Variants in RASA1 observed in about 807,000 individuals in gnomAD.
The protein encoded by RASA1 is ras GTPase-activating protein 1.
In RASA1, 25 loss-of-function variants were observed where a neutral mutation model predicts 132.2. That is an observed-to-expected ratio of 0.19 (90% confidence interval 0.14 to 0.26). The LOEUF is 0.26. Among genes scored for constraint, RASA1 ranks in the 10% least tolerant of loss-of-function variants. The probability of loss-of-function intolerance (pLI) is 1.00; values close to 1 mark genes in which losing one functional copy is unlikely to be tolerated. For synonymous variants in RASA1, 477 were observed against 449.9 expected (o/e 1.06, Z -0.76); for missense variants, 964 against 1,299.2 (o/e 0.74, Z 3.97).
Position 87,273,738 on chromosome 5 carries a change from C to G in RASA1, c.539+4748C>G, listed in dbSNP as rs112910254. 4.2e-3 allele frequency among the ~76,000 whole-genome samples: 618 copies of G among 148,126 alleles called. 4 individuals carry two copies. The highest frequency in any genetic ancestry group is 0.018 in the Middle Eastern group (5 of 282). On this transcript the variant is annotated intron_variant, in intron 1 of 24. Coordinates refer to ENST00000274376, the MANE Select transcript of RASA1 (RefSeq NM_002890.3). ...TTTGAGATGGAGTCTTGCTCTGTTA[C>G]CCAGGGTGGTGTGCAGTAGTGTGAT... is the stretch of plus-strand genomic sequence containing the variant.
At chr5:87,297,393 A>G (rs1755169813) in intron 1 of RASA1, among the ~76,000 whole-genome samples, 1 of 152,182 alleles carries the variant, frequency 6.6e-6, no homozygotes, top group African/African-American at 2.4e-5. Flanking sequence ...TGATGTAGTT[A>G]TAAGGGAGGC....
chr5:87,364,079 C>A lies in RASA1; in HGVS notation c.1610+575C>A, dbSNP rs566897626. On this transcript the variant is annotated intron_variant, in intron 11 of 24. Coordinates refer to ENST00000274376, the MANE Select transcript of RASA1 (RefSeq NM_002890.3). ...TTTTCTCAAGAACAATGGCCTTTAC[C>A]TTTCACCATTAGTATTATCAGTAAT... is the stretch of plus-strand genomic sequence containing the variant. 2.0e-5 allele frequency among the ~76,000 whole-genome samples: 3 copies of A among 152,114 alleles called. No individual in the cohort carries two copies. The East Asian group carries it at 5.8e-4, about 29-fold the overall frequency.
In RASA1 at chr5:87,268,439, A is replaced by G. The variant is rs770839636; in HGVS notation, c.-13A>G. ...GGGCGGGCAGGGTAGGGCAGAGTAG[A>G]GCGGGCTTCAACATGATGGCGGCCG... On this transcript the variant is annotated 5_prime_UTR_variant, in exon 1 of 25. Coordinates refer to ENST00000274376, the MANE Select transcript of RASA1 (RefSeq NM_002890.3). The G allele has an allele frequency of 1.4e-5, 21 of 1,540,208 alleles. No homozygotes were observed. The highest frequency in any genetic ancestry group is 2.2e-4 in the Middle Eastern group (1 of 4,486).
At chr5:87,269,106 G>C in intron 1 of RASA1, 116 bp downstream of exon 1, 1 of 1,613,726 alleles carries the variant, frequency 6.2e-7, no homozygotes, top group Admixed American at 1.7e-5. Context: ...AAAAGTTTTT[G>C]AAGTTTCAGG....
chr5:87,307,304 A>G (rs2112297179), intron 1 of RASA1, among the ~76,000 whole-genome samples: 2 of 152,208 alleles, frequency 1.3e-5, no homozygotes, highest in East Asian at 3.9e-4. Context: ...ATGCTCTAGT[A>G]AGTGTATTTT....
intron 1 of RASA1, among the ~76,000 whole-genome samples, chr5:87,313,316 G>A (rs1433176665): frequency 6.6e-6 from 1 of 152,142 alleles, no homozygotes; most frequent in Non-Finnish European, 1.5e-5. Context: ...TTCCTTGAAG[G>A]GAAGAGTGAT....
rs1003799327 is a variant in RASA1 at position 87,384,283 on chromosome 5, A to C, written c.2758+503A>C. 2.6e-5 allele frequency among the ~76,000 whole-genome samples: 4 copies of C among 152,264 alleles called. No homozygotes were observed. The East Asian group carries it at 7.7e-4, about 29-fold the overall frequency. On this transcript the variant is annotated intron_variant, in intron 21 of 24. Coordinates refer to ENST00000274376, the MANE Select transcript of RASA1 (RefSeq NM_002890.3). ...GTGTAAATTGGCCATTTTAAACTTCAGTAAACCTGATCCAGTTTTATTACC... is the reference window on the plus strand; with the variant it reads ...GTGTAAATTGGCCATTTTAAACTTCCGTAAACCTGATCCAGTTTTATTACC...
chr5:87,342,425 C>T (rs1011825810), intron 6 of RASA1, among the ~76,000 whole-genome samples: 1 of 152,162 alleles, frequency 6.6e-6, no homozygotes, highest in African/African-American at 2.4e-5. Context: ...TCCCAAAGTG[C>T]TGGAATTACA....
intron 14 of RASA1, 136 bp from the exon 15 acceptor site, chr5:87,374,704 A>C (rs533543056): frequency 8.0e-7 from 1 of 1,242,556 alleles, no homozygotes; most frequent in African/African-American, 1.5e-5. Context: ...ATATGTTGTG[A>C]ATCTGGTTTT....
intron 1 of RASA1, among the ~76,000 whole-genome samples, chr5:87,308,291 G>C (rs1018821770): frequency 6.6e-6 from 1 of 151,906 alleles, no homozygotes; most frequent in African/African-American, 2.4e-5. Context: ...TAGTTTGAGA[G>C]AAAAAGTGGC....
At chr5:87,340,521 G>A (rs1216150383) in intron 5 of RASA1, among the ~76,000 whole-genome samples, 1 of 151,938 alleles carries the variant, frequency 6.6e-6, no homozygotes, top group Non-Finnish European at 1.5e-5. Context: ...ATTGTGAGAA[G>A]TAAATCCACA....
intron 9 of RASA1, among the ~76,000 whole-genome samples, chr5:87,354,300 G>C (rs1270734252): frequency 6.6e-6 from 1 of 152,122 alleles, no homozygotes; most frequent in Non-Finnish European, 1.5e-5. Context: ...TTTGTGGCAA[G>C]AAGGACGTCT....
In RASA1 at chr5:87,376,786, A is replaced by T; in HGVS notation, c.2185-95A>T. The T allele has an allele frequency of 4.5e-6, 6 of 1,341,592 alleles. No homozygotes were observed. The South Asian group carries it at 5.1e-5, about 11-fold the overall frequency. The allele number at this position is 1,341,592 out of a possible 1,614,324, so 83.1% of individuals were successfully genotyped here. On this transcript the variant is annotated intron_variant, in intron 16 of 24. Coordinates refer to ENST00000274376, the MANE Select transcript of RASA1 (RefSeq NM_002890.3). ...TATTCAATGGGACATCATTTTAAAT[A>T]TAAGAACTTGTGAAAGAACATATTT...
At chr5:87,322,055 TG>T (rs1561280006) in intron 1 of RASA1, among the ~76,000 whole-genome samples, 1 of 152,108 alleles carries the variant, frequency 6.6e-6, no homozygotes, top group Non-Finnish European at 1.5e-5. Flanking sequence ...CCTCCATTGT[TG>T]GAAGTGGGGT....
At chr5:87,324,102 G>A (rs1439521432) in intron 1 of RASA1, among the ~76,000 whole-genome samples, 4 of 152,172 alleles carry the variant, frequency 2.6e-5, no homozygotes, top group Non-Finnish European at 4.4e-5. Context: ...ACCTTCAGAC[G>A]TAGTGATTTC....
At chr5:87,287,319 TACACCATATATAC>T (rs1255895867) in intron 1 of RASA1, among the ~76,000 whole-genome samples, 10 of 146,038 alleles carry the variant, frequency 6.8e-5, no homozygotes, top group African/African-American at 2.0e-4. Context: ...ACCATATATA[TACACCATATATAC>T]ACACCATATA....
At chr5:87,301,120 A>G (rs537798508) in intron 1 of RASA1, among the ~76,000 whole-genome samples, 2 of 152,346 alleles carry the variant, frequency 1.3e-5, no homozygotes, top group South Asian at 4.1e-4. Context: ...CCAAGACAAT[A>G]TAACAGATGA....
chr5:87,362,478 G>T (rs2112455897), intron 9 of RASA1, 73 bp from the exon 10 acceptor site: 3 of 1,454,648 alleles, frequency 2.1e-6, no homozygotes, highest in Non-Finnish European at 2.9e-6. Context: ...GCTTTTAATT[G>T]GTACTTTTAT....
At chr5:87,297,136 C>T (rs907309953) in intron 1 of RASA1, among the ~76,000 whole-genome samples, 1 of 152,138 alleles carries the variant, frequency 6.6e-6, no homozygotes, top group Non-Finnish European at 1.5e-5. Flanking sequence ...CTTAGAATTT[C>T]CGTTTCTCTG....
Sources: allele counts gnomAD v4.1 joint callset (sites outside exome capture counted in the v4.1 genomes callset), GRCh38; gene constraint gnomAD v4.1.1; transcripts MANE v1.5; gene names NCBI Gene and HGNC (gene_info 2026-07-23, HGNC 2026-07-21).